RBM47: variants seen among roughly 807,000 people sequenced by gnomAD.
The protein encoded by RBM47 is RNA binding motif protein 47.
RBM47 carries 21 observed loss-of-function variants against 47.1 expected under a neutral mutation model. The ratio of observed to expected loss-of-function variants is 0.45; its 90% CI spans 0.32 to 0.64. The LOEUF (loss-of-function observed/expected upper bound fraction) is 0.64, where lower values mean the gene tolerates loss of function less well. Among genes scored for constraint, RBM47 ranks in the 30% least tolerant of loss-of-function variants. RBM47 has a pLI of 0.05. For synonymous variants in RBM47, 375 were observed against 361.7 expected, an observed-to-expected ratio of 1.04 and a Z score of -0.42; for missense variants, 708 against 870.9, an observed-to-expected ratio of 0.81 and a Z score of 2.35.
chr4:40,522,918 T>C (rs1019402692), intron 2 of RBM47, among the ~76,000 whole-genome samples: 1 of 151,470 alleles, frequency 6.6e-6, no homozygotes, highest in Non-Finnish European at 1.5e-5. Context: ...TATCAATATA[T>C]AGAACCCAAA....
At chr4:40,518,537 A>C (rs913612182) in intron 2 of RBM47, among the ~76,000 whole-genome samples, 13 of 152,122 alleles carry the variant, frequency 8.5e-5, no homozygotes, top group African/African-American at 3.1e-4. Flanking sequence ...ACCTCATTTA[A>C]TTAAACAGAC....
chr4:40,499,889 AATAAT>A (rs1412985777), intron 2 of RBM47, among the ~76,000 whole-genome samples: 2 of 152,234 alleles, frequency 1.3e-5, no homozygotes, highest in African/African-American at 4.8e-5. Context: ...CAAGATCCAT[AATAAT>A]ATAATTATAA....
intron 2 of RBM47, among the ~76,000 whole-genome samples, chr4:40,473,473 A>T (rs1023828007): frequency 1.3e-5 from 2 of 152,232 alleles, no homozygotes; most frequent in Non-Finnish European, 2.9e-5. Context: ...CAACATGAGG[A>T]GTTAAACCTG....
intron 2 of RBM47, among the ~76,000 whole-genome samples, chr4:40,502,751 C>A (rs1490463303): frequency 1.3e-5 from 2 of 151,848 alleles, no homozygotes; most frequent in Non-Finnish European, 2.9e-5. Flanking sequence ...GAGGTTGAGG[C>A]AGGAAGATCA....
At chr4:40,447,959 C>T (rs956135641) in intron 3 of RBM47, among the ~76,000 whole-genome samples, 5 of 151,976 alleles carry the variant, frequency 3.3e-5, no homozygotes, top group African/African-American at 7.3e-5. Flanking sequence ...TGCAGTGAGC[C>T]GAGATCGTGC....
chr4:40,457,463 G>T (rs1308452223), intron 3 of RBM47, among the ~76,000 whole-genome samples: 2 of 150,810 alleles, frequency 1.3e-5, no homozygotes, highest in African/African-American at 2.4e-5. Flanking sequence ...TTTAAAATTT[G>T]TGTGTAAAAG....
chr4:40,499,668 A>G (rs953203355), intron 2 of RBM47, among the ~76,000 whole-genome samples: 1 of 152,170 alleles, frequency 6.6e-6, no homozygotes, highest in African/African-American at 2.4e-5. Context: ...TCAGCCTCCC[A>G]AAGTGCTGGG....
chr4:40,425,477 G>C lies in RBM47; in HGVS notation c.*427C>G, dbSNP rs867336915. On this transcript the variant is annotated 3_prime_UTR_variant, in exon 7 of 7. Transcript: ENST00000295971. ...AATATTGTATATATTTTTCAAAATA[G>C]TTCCCTAGCTCCTCAAGTGTGCTTT... 1 of 156,148 alleles carries C rather than the reference G, an allele frequency of 6.4e-6. No individual in the cohort carries two copies. The highest frequency in any genetic ancestry group is 1.4e-5 in the Non-Finnish European group (1 of 70,250). 9.7% of individuals were successfully genotyped at this position (156,148 alleles called of 1,614,324 possible). A position where few individuals can be genotyped will look rare whatever the true frequency, so the allele number is the denominator to read the frequency against.
At chr4:40,493,714 G>A (rs1357572964) in intron 2 of RBM47, among the ~76,000 whole-genome samples, 2 of 151,374 alleles carry the variant, frequency 1.3e-5, no homozygotes, top group Non-Finnish European at 2.9e-5. Context: ...CTGGGAGGCG[G>A]AGGTTGCAGT....
chr4:40,593,849 A>C, intron 1 of RBM47, among the ~76,000 whole-genome samples: 2 of 145,748 alleles, frequency 1.4e-5, no homozygotes, highest in East Asian at 2.0e-4. Flanking sequence ...GCGCCACTAC[A>C]CTCCAGCCTG....
intron 2 of RBM47, among the ~76,000 whole-genome samples, chr4:40,469,466 C>T (rs1447305643): frequency 2.1e-5 from 3 of 144,884 alleles, no homozygotes; most frequent in Admixed American, 1.4e-4. Context: ...TGGCGTCTCA[C>T]TCCATCCCCC....
In RBM47 at chr4:40,463,724, T is replaced by C. The variant is rs549433722; in HGVS notation, c.-32+2853A>G. 1.1e-4 allele frequency among the ~76,000 whole-genome samples: 17 copies of C among 151,732 alleles called. No individual in the cohort carries two copies. The South Asian group carries it at 3.3e-3, about 30-fold the overall frequency. On this transcript the variant is annotated intron_variant, in intron 3 of 6. Transcript: ENST00000295971. ...GGGAGGGAATAGGCTTTTATTAGGT[T>C]GGTGCAAAAGTGATTGCAGTTTTTG...
At chr4:40,456,698 AG>A (rs1716323971) in intron 3 of RBM47, among the ~76,000 whole-genome samples, 1 of 151,362 alleles carries the variant, frequency 6.6e-6, no homozygotes, top group South Asian at 2.1e-4. Flanking sequence ...CTCAGGCTCA[AG>A]GGATCCTCTC....
At chr4:40,550,713 C>T (rs1458441365) in intron 1 of RBM47, among the ~76,000 whole-genome samples, 1 of 152,062 alleles carries the variant, frequency 6.6e-6, no homozygotes, top group Non-Finnish European at 1.5e-5. Flanking sequence ...GCCACCGCGC[C>T]TGGCCCTATC....
intron 2 of RBM47, among the ~76,000 whole-genome samples, chr4:40,529,890 GTAAA>G: frequency 6.9e-6 from 1 of 145,352 alleles, no homozygotes; most frequent in Non-Finnish European, 1.5e-5. Flanking sequence ...TAAAATAAAA[GTAAA>G]TAAACTTCAC....
intron 2 of RBM47, among the ~76,000 whole-genome samples, chr4:40,489,191 G>A (rs1223398319): frequency 6.6e-6 from 1 of 152,126 alleles, no homozygotes; most frequent in African/African-American, 2.4e-5. Flanking sequence ...CTCACAAACT[G>A]TCCTGTAAAA....
chr4:40,607,792 T>C (rs1317515923), intron 1 of RBM47, among the ~76,000 whole-genome samples: 1 of 152,138 alleles, frequency 6.6e-6, no homozygotes, highest in Non-Finnish European at 1.5e-5. Context: ...TAAAAGCCAC[T>C]GCATTTTCTA....
At chr4:40,481,788 G>A (rs745998682) in intron 2 of RBM47, among the ~76,000 whole-genome samples, 1 of 152,174 alleles carries the variant, frequency 6.6e-6, no homozygotes, top group Non-Finnish European at 1.5e-5. Flanking sequence ...CTGACCTCAA[G>A]CGATCCGCCC....
At chr4:40,609,595 G>A (rs1241054533) in intron 1 of RBM47, among the ~76,000 whole-genome samples, 1 of 152,064 alleles carries the variant, frequency 6.6e-6, no homozygotes, top group Non-Finnish European at 1.5e-5. Flanking sequence ...TTACAGGCGT[G>A]AGTCACTGCG....
Sources: gnomAD v4.1 joint callset for allele counts (sites outside exome capture counted in the v4.1 genomes callset) on GRCh38, gnomAD v4.1.1 for gene constraint, MANE v1.5 for transcripts, NCBI Gene and HGNC (gene_info 2026-07-23, HGNC 2026-07-21) for gene names.